IMMP2L: variants seen among roughly 807,000 people sequenced by gnomAD.
IMMP2L encodes mitochondrial inner membrane protease subunit 2.
In IMMP2L, 18 loss-of-function variants were observed where a neutral mutation model predicts 19.3. The ratio of observed to expected loss-of-function variants is 0.93; its 90% CI spans 0.64 to 1.38. The LOEUF is 1.38. IMMP2L is among the 40% of genes most tolerant of loss of function. The pLI is 0.00. For synonymous variants in IMMP2L, 76 were observed against 73.0 expected, an observed-to-expected ratio of 1.04 and a Z score of -0.21; for missense variants, 233 against 218.2, an observed-to-expected ratio of 1.07 and a Z score of -0.43.
At chr7:111,094,656 A>G (rs1243442415) in intron 3 of IMMP2L, among the ~76,000 whole-genome samples, 2 of 152,294 alleles carry the variant, frequency 1.3e-5, no homozygotes, top group East Asian at 1.9e-4. Context: ...GCTTCACTGT[A>G]TAACAACTGA....
chr7:111,338,986 G>A (rs1034228855), intron 3 of IMMP2L, among the ~76,000 whole-genome samples: 7 of 151,994 alleles, frequency 4.6e-5, no homozygotes, highest in African/African-American at 1.4e-4. Flanking sequence ...CACTACAAGT[G>A]AGCTCCTCTG....
chr7:111,109,700 G>T (rs550415912), intron 3 of IMMP2L, among the ~76,000 whole-genome samples: 117 of 152,208 alleles, frequency 7.7e-4, no homozygotes, highest in African/African-American at 2.6e-3. Context: ...GATTATTAGG[G>T]GAATCAGATA....
chr7:110,822,366 T>C (rs116771578), intron 5 of IMMP2L, among the ~76,000 whole-genome samples: 1 of 152,248 alleles, frequency 6.6e-6, no homozygotes, highest in African/African-American at 2.4e-5. Flanking sequence ...TAATTCACCA[T>C]CTTTCATTTC....
At chr7:111,210,820 A>G (rs1002344984) in intron 3 of IMMP2L, among the ~76,000 whole-genome samples, 2 of 152,182 alleles carry the variant, frequency 1.3e-5, no homozygotes, top group African/African-American at 4.8e-5. Context: ...GAGAACTGGA[A>G]CAAAATGAGA....
intron 3 of IMMP2L, among the ~76,000 whole-genome samples, chr7:111,402,991 A>ACCCCCCCCCCCCCCCCCCCCCCCCCCC (rs781654530): frequency 1.1e-4 from 5 of 45,506 alleles, no homozygotes; most frequent in Admixed American, 2.2e-4. Flanking sequence ...TGCAGCCTTG[A>ACCCCCCCCCCCCCCCCCCCCCCCCCCC]CCCCCCCCCC....
chr7:110,989,531 CA>C (rs778163183), intron 3 of IMMP2L, among the ~76,000 whole-genome samples: 4,393 of 60,982 alleles, frequency 0.072, 54 homozygotes, highest in Middle Eastern at 0.14. Flanking sequence ...CTCTGTCTCC[CA>C]AAAAAAAAAA....
chr7:111,532,154 G>C (rs1847453050), intron 1 of IMMP2L, among the ~76,000 whole-genome samples: 1 of 152,102 alleles, frequency 6.6e-6, no homozygotes, highest in Non-Finnish European at 1.5e-5. Context: ...AATAACATGA[G>C]TAATGGAAAA....
chr7:111,440,914 T>C (rs1837646730), intron 3 of IMMP2L, among the ~76,000 whole-genome samples: 3 of 151,946 alleles, frequency 2.0e-5, no homozygotes, highest in Admixed American at 2.0e-4. Context: ...CTGCTTCACT[T>C]TGTACTTACA....
chr7:110,797,775 G>C (rs1300179527), intron 5 of IMMP2L, among the ~76,000 whole-genome samples: 1 of 151,982 alleles, frequency 6.6e-6, no homozygotes, highest in East Asian at 1.9e-4. Context: ...ACTAATCCCT[G>C]ATATCCTAGA....
chr7:111,240,675 T>G (rs1586985363), intron 3 of IMMP2L, among the ~76,000 whole-genome samples: 1 of 151,962 alleles, frequency 6.6e-6, no homozygotes, highest in South Asian at 2.1e-4. Flanking sequence ...CAGATTTTTG[T>G]TGCGGTCAAG....
At chr7:111,391,075 T>G (rs906567214) in intron 3 of IMMP2L, among the ~76,000 whole-genome samples, 2 of 152,138 alleles carry the variant, frequency 1.3e-5, no homozygotes, top group Non-Finnish European at 2.9e-5. Context: ...CAGTCCCAAT[T>G]ACTGATATAT....
intron 3 of IMMP2L, among the ~76,000 whole-genome samples, chr7:111,121,779 G>A (rs952594400): frequency 3.7e-4 from 56 of 152,108 alleles, no homozygotes; most frequent in African/African-American, 1.3e-3. Context: ...ACATGCACAC[G>A]TATGTTTATT....
At chr7:110,991,503 T>C (rs987069867) in intron 3 of IMMP2L, among the ~76,000 whole-genome samples, 5 of 152,130 alleles carry the variant, frequency 3.3e-5, no homozygotes, top group Admixed American at 6.6e-5. Flanking sequence ...TGTCACTCCA[T>C]GGTAACATTA....
rs1433316317 is a variant in IMMP2L, at chr7:110,902,699, C to T, written c.306-16004G>A. Among the ~76,000 whole-genome samples the T allele has an allele frequency of 7.9e-5, 3 of 37,804 alleles. 1 individual carries two copies. The highest frequency in any genetic ancestry group is 7.8e-4 in the Admixed American group (3 of 3,850). The allele number at this position is 37,804 out of a possible 152,430, so 24.8% of individuals were successfully genotyped here. On this transcript the variant is annotated intron_variant, in intron 4 of 5. Transcript: ENST00000405709. The stretch of plus-strand genomic sequence containing the variant: ...CAGCACTTTGGGAGGCCGAGGCGGG[C>T]GGATCACGAGGTCAGGAGATCGAGA...
chr7:111,369,703 A>C (rs1830097543), intron 3 of IMMP2L, among the ~76,000 whole-genome samples: 1 of 152,012 alleles, frequency 6.6e-6, no homozygotes, highest in Admixed American at 6.6e-5. Flanking sequence ...TTTAATTTTA[A>C]CACTTATCAA....
intron 3 of IMMP2L, among the ~76,000 whole-genome samples, chr7:111,339,393 TA>T (rs1348519155): frequency 6.6e-6 from 1 of 150,432 alleles, no homozygotes; most frequent in Non-Finnish European, 1.5e-5. Flanking sequence ...TAAGAAGAAT[TA>T]AAAAAAAAGA....
At chr7:111,070,301 C>T (rs1794845066) in intron 3 of IMMP2L, among the ~76,000 whole-genome samples, 1 of 152,210 alleles carries the variant, frequency 6.6e-6, no homozygotes, top group Non-Finnish European at 1.5e-5. Flanking sequence ...AGCAGTCTAA[C>T]ATGCTGCAAA....
At chr7:111,281,199 AAAGAAAGAAAGAAAGAAAAAGAAAGAAAG>A in intron 3 of IMMP2L, among the ~76,000 whole-genome samples, 1 of 51,248 alleles carries the variant, frequency 2.0e-5, no homozygotes, top group Non-Finnish European at 4.0e-5. Context: ...AGAAAGAAAG[AAAGAAAGAAAGAAAGAAAAAGAAAGAAAG>A]AAAGAAAGAA....
Position 111,162,195 on chromosome 7 carries a change from TTA to T in IMMP2L, c.240-198632_240-198631del, listed in dbSNP as rs567414813. On this transcript the variant is annotated intron_variant, in intron 3 of 5. Coordinates refer to ENST00000405709, the MANE Select transcript of IMMP2L (RefSeq NM_032549.4). ...TTGATCGCTAATATGTTGTTAAAAA[TTA>T]TGTCTTTTACATCTCCCTAAATGCA... Among the ~76,000 whole-genome samples, 60 of 152,268 alleles carry T rather than the reference TTA, an allele frequency of 3.9e-4. 1 individual carries two copies. The highest frequency in any genetic ancestry group is 1.3e-3 in the African/African-American group (56 of 41,566).
Sources: gnomAD v4.1 joint callset for allele counts (sites outside exome capture counted in the v4.1 genomes callset) on GRCh38, gnomAD v4.1.1 for gene constraint, MANE v1.5 for transcripts, NCBI Gene and HGNC (gene_info 2026-07-23, HGNC 2026-07-21) for gene names.